CCDC85A: variants seen among roughly 807,000 people sequenced by gnomAD.
CCDC85A encodes coiled-coil domain containing 85A.
CCDC85A carries 38 observed loss-of-function variants against 50.2 expected under a neutral mutation model. The observed-to-expected ratio is 0.76, with a 90% CI of 0.58 to 0.99. The LOEUF (loss-of-function observed/expected upper bound fraction) is 0.99. Among genes scored for constraint, CCDC85A ranks in the 50% least tolerant of loss-of-function variants. CCDC85A has a pLI of 0.00. For missense variants in CCDC85A, 820 were observed against 742.0 expected, an observed-to-expected ratio of 1.11 and a Z score of -1.22; for synonymous variants, 366 against 301.4, an observed-to-expected ratio of 1.21 and a Z score of -2.22.
At chr2:56,380,412 A>G (rs1212266245) in intron 5 of CCDC85A, among the ~76,000 whole-genome samples, 2 of 152,036 alleles carry the variant, frequency 1.3e-5, no homozygotes, top group Non-Finnish European at 2.9e-5. Flanking sequence ...AAAGATAGTT[A>G]GGCCAGGCAC....
chr2:56,203,869 T>G (rs1676847592), intron 2 of CCDC85A, among the ~76,000 whole-genome samples: 1 of 152,214 alleles, frequency 6.6e-6, no homozygotes. Context: ...AATAATTGAC[T>G]TAAATTCCCA....
intron 2 of CCDC85A, among the ~76,000 whole-genome samples, chr2:56,339,035 A>C (rs2216329): frequency 3.9e-5 from 6 of 151,902 alleles, no homozygotes; most frequent in Non-Finnish European, 8.8e-5. Context: ...GGGGCTAAGA[A>C]CCTGGAACAA....
chr2:56,378,959 A>G (rs1357731842), intron 5 of CCDC85A, among the ~76,000 whole-genome samples: 3 of 152,236 alleles, frequency 2.0e-5, no homozygotes, highest in Non-Finnish European at 4.4e-5. Context: ...CAGCACAGAA[A>G]GCCAAAGTTA....
rs575189437 is a variant in CCDC85A, at chr2:56,222,823, CAGTA to C, written c.1240+29385_1240+29388del. On this transcript the variant is annotated intron_variant, in intron 2 of 5. Transcript: ENST00000407595. ...TTCAAAATAATGACAGTAGGAGGTT[CAGTA>C]ATTATTCCAAAGATGCTATCTCTAC... Among the ~76,000 whole-genome samples, 646 of 152,164 alleles carry C rather than the reference CAGTA, an allele frequency of 4.2e-3. 20 individuals carry two copies. Among genetic ancestry groups the C allele is most frequent in the Non-Finnish European group, 5.0e-3 (340 of 67,996 alleles).
At chr2:56,381,149 T>C (rs1436893451) in intron 5 of CCDC85A, among the ~76,000 whole-genome samples, 1 of 152,092 alleles carries the variant, frequency 6.6e-6, no homozygotes. Context: ...CCTAAGTTAT[T>C]TGTTTTTCTT....
intron 2 of CCDC85A, among the ~76,000 whole-genome samples, chr2:56,311,770 A>G (rs2104227639): frequency 6.6e-6 from 1 of 152,238 alleles, no homozygotes; most frequent in South Asian, 2.1e-4. Context: ...AACCTGCTCT[A>G]AAGGCTGTGT....
intron 2 of CCDC85A, among the ~76,000 whole-genome samples, chr2:56,195,172 G>T (rs997182343): frequency 6.6e-6 from 1 of 152,116 alleles, no homozygotes; most frequent in Non-Finnish European, 1.5e-5. Flanking sequence ...TTACAAAAGG[G>T]CTTCTTTATA....
At chr2:56,220,040 A>G (rs1668253465) in intron 2 of CCDC85A, among the ~76,000 whole-genome samples, 1 of 152,030 alleles carries the variant, frequency 6.6e-6, no homozygotes, top group South Asian at 2.1e-4. Context: ...ACTGAGTTAA[A>G]TCTAGAGACA....
chr2:56,375,499 C>G (rs1375576187), intron 4 of CCDC85A, among the ~76,000 whole-genome samples: 1 of 152,184 alleles, frequency 6.6e-6, no homozygotes, highest in African/African-American at 2.4e-5. Flanking sequence ...TATGGAGTAA[C>G]TCATGAATTT....
chr2:56,207,958 A>T (rs1404653228), intron 2 of CCDC85A, among the ~76,000 whole-genome samples: 1 of 152,158 alleles, frequency 6.6e-6, no homozygotes, highest in Non-Finnish European at 1.5e-5. Context: ...TTATTGGCTT[A>T]ATTAGATAAA....
At chr2:56,353,139 G>A (rs908907842) in intron 3 of CCDC85A, among the ~76,000 whole-genome samples, 6 of 152,144 alleles carry the variant, frequency 3.9e-5, no homozygotes, top group African/African-American at 9.7e-5. Flanking sequence ...AGCTAATAAA[G>A]TTTCATTAGA....
intron 2 of CCDC85A, among the ~76,000 whole-genome samples, chr2:56,280,079 C>G (rs1033873461): frequency 6.6e-6 from 1 of 152,204 alleles, no homozygotes; most frequent in African/African-American, 2.4e-5. Context: ...CACCCCCCCA[C>G]CTCTAAACAC....
At chr2:56,224,866 C>A (rs1421557759) in intron 2 of CCDC85A, among the ~76,000 whole-genome samples, 1 of 151,950 alleles carries the variant, frequency 6.6e-6, no homozygotes, top group African/African-American at 2.4e-5. Context: ...ATATGATGTA[C>A]AAATAGTTGT....
chr2:56,327,532 T>A (rs1396884017), intron 2 of CCDC85A, among the ~76,000 whole-genome samples: 1 of 152,188 alleles, frequency 6.6e-6, no homozygotes, highest in African/African-American at 2.4e-5. Context: ...ATTCGCCTTT[T>A]ATGCTAAATC....
At chr2:56,305,322 G>C (rs1672394692) in intron 2 of CCDC85A, among the ~76,000 whole-genome samples, 1 of 152,184 alleles carries the variant, frequency 6.6e-6, no homozygotes, top group Non-Finnish European at 1.5e-5. Flanking sequence ...ACAAGCATGT[G>C]AGGTAAGTAT....
chr2:56,206,934 A>G (rs1676985974), intron 2 of CCDC85A, among the ~76,000 whole-genome samples: 3 of 151,276 alleles, frequency 2.0e-5, no homozygotes, highest in Admixed American at 1.3e-4. Context: ...CTTCTGACTA[A>G]TATCTTCTGA....
At chr2:56,338,229 A>G (rs1674177356) in intron 2 of CCDC85A, among the ~76,000 whole-genome samples, 1 of 152,218 alleles carries the variant, frequency 6.6e-6, no homozygotes, top group South Asian at 2.1e-4. Context: ...AGCCAGTGGT[A>G]TAAAATGTAA....
chr2:56,270,460 C>T (rs1476617712), intron 2 of CCDC85A, among the ~76,000 whole-genome samples: 6 of 152,142 alleles, frequency 3.9e-5, no homozygotes, highest in Non-Finnish European at 8.8e-5. Context: ...ATAGTATCTT[C>T]ACATTTTCAT....
At chr2:56,247,138 C>G (rs563057844) in intron 2 of CCDC85A, among the ~76,000 whole-genome samples, 30 of 152,222 alleles carry the variant, frequency 2.0e-4, no homozygotes, top group African/African-American at 7.0e-4. Context: ...CAAGACTGTC[C>G]TGGATATGTG....
Sources: allele counts gnomAD v4.1 joint callset (sites outside exome capture counted in the v4.1 genomes callset), GRCh38; gene constraint gnomAD v4.1.1; transcripts MANE v1.5; gene names NCBI Gene and HGNC (gene_info 2026-07-23, HGNC 2026-07-21).